POPDC1: variants seen among roughly 807,000 people sequenced by gnomAD.
POPDC1 encodes the protein popeye domain-containing protein 1.
the POPDC1 span, among the ~76,000 whole-genome samples, chr6:105,113,120 T>TG: frequency 1.3e-5 from 2 of 151,918 alleles, no homozygotes; most frequent in East Asian, 3.9e-4. Flanking sequence ...TTTGTAGAGA[T>TG]GGGGTCTCAT....
At chr6:105,113,895 G>A in the POPDC1 span, among the ~76,000 whole-genome samples, 6 of 148,156 alleles carry the variant, frequency 4.0e-5, no homozygotes, top group Non-Finnish European at 8.9e-5. Flanking sequence ...TTGTACCAAT[G>A]TACTCCAGTC....
At chr6:105,116,992 A>T in the POPDC1 span, 4 of 932,778 alleles carry the variant, frequency 4.3e-6, no homozygotes, top group African/African-American at 3.5e-5. Flanking sequence ...GTCAAATTAT[A>T]AAAAAAAGGA....
chr6:105,096,918 T>G, the POPDC1 span: 5 of 152,518 alleles, frequency 3.3e-5, no homozygotes, highest in African/African-American at 1.2e-4. Context: ...TTTTATAAAG[T>G]AAGTGTTATC....
At chr6:105,115,060 T>C in the POPDC1 span, among the ~76,000 whole-genome samples, 2 of 152,260 alleles carry the variant, frequency 1.3e-5, no homozygotes, top group African/African-American at 4.8e-5. Flanking sequence ...AATCAAACCA[T>C]GTGGACTCTT....
the POPDC1 span, among the ~76,000 whole-genome samples, chr6:105,127,457 T>C: frequency 6.6e-6 from 1 of 152,136 alleles, no homozygotes; most frequent in Non-Finnish European, 1.5e-5. Flanking sequence ...GCCCTTTTTA[T>C]GTATTTATTT....
At chr6:105,124,638 C>G in the POPDC1 span, 1 of 1,604,760 alleles carries the variant, frequency 6.2e-7, no homozygotes, top group Non-Finnish European at 8.5e-7. Context: ...AAAATGTCCT[C>G]GATAGGAGAC....
At chr6:105,130,680 G>A in the POPDC1 span, among the ~76,000 whole-genome samples, 2 of 151,890 alleles carry the variant, frequency 1.3e-5, no homozygotes, top group Admixed American at 6.6e-5. Context: ...TACACTATAG[G>A]GTATAAACCA....
At chr6:105,115,956 GTGGCCAATAAACATAAGC>G in the POPDC1 span, 1 of 773,798 alleles carries the variant, frequency 1.3e-6, no homozygotes, top group Non-Finnish European at 1.9e-6. Flanking sequence ...TACATATTAG[GTGGCCAATAAACATAAGC>G]TATGATTTTT....
chr6:105,123,062 T>C, the POPDC1 span, among the ~76,000 whole-genome samples: 553 of 152,330 alleles, frequency 3.6e-3, 8 homozygotes, highest in African/African-American at 0.013. Flanking sequence ...ATCTCCAATT[T>C]TGTGGCATCC....
At chr6:105,132,732 C>T in the POPDC1 span, among the ~76,000 whole-genome samples, 1 of 152,186 alleles carries the variant, frequency 6.6e-6, no homozygotes, top group African/African-American at 2.4e-5. Flanking sequence ...TGATGTGAAT[C>T]AATTTAACTT....
At chr6:105,097,189 T>TG in the POPDC1 span, 1 of 152,090 alleles carries the variant, frequency 6.6e-6, no homozygotes, top group Admixed American at 6.6e-5. Context: ...ACCGAAGCAG[T>TG]GATTATGCCT....
the POPDC1 span, among the ~76,000 whole-genome samples, chr6:105,119,528 G>GAAGGC: frequency 6.6e-6 from 1 of 152,196 alleles, no homozygotes; most frequent in South Asian, 2.1e-4. Context: ...TGCATAAATG[G>GAAGGC]AAGGCAACTG....
At chr6:105,097,553 A>G in the POPDC1 span, 1 of 152,228 alleles carries the variant, frequency 6.6e-6, no homozygotes, top group Non-Finnish European at 1.5e-5. Flanking sequence ...ATTACCTGGA[A>G]ACACTGGGGA....
At chr6:105,129,276 A>C in the POPDC1 span, 1 of 1,037,898 alleles carries the variant, frequency 9.6e-7, no homozygotes, top group East Asian at 2.8e-5. Context: ...AATTATATTA[A>C]AGTGACTAAA....
At chr6:105,106,833 G>C in the POPDC1 span, among the ~76,000 whole-genome samples, 1 of 152,080 alleles carries the variant, frequency 6.6e-6, no homozygotes, top group African/African-American at 2.4e-5. Flanking sequence ...TGGGTACATA[G>C]TGGATGTATA....
chr6:105,131,966 CT>C, the POPDC1 span, among the ~76,000 whole-genome samples: 4,059 of 136,068 alleles, frequency 0.03, 115 homozygotes, highest in African/African-American at 0.095. Context: ...TCATTTATCA[CT>C]TTTTTTTTTT....
At chr6:105,124,405 AAAAG>A in the POPDC1 span, 4 of 572,024 alleles carry the variant, frequency 7.0e-6, no homozygotes, top group South Asian at 4.4e-5. Context: ...AAAAAAAAAA[AAAAG>A]AGACAATACT....
the POPDC1 span, among the ~76,000 whole-genome samples, chr6:105,134,133 G>C: frequency 6.6e-6 from 1 of 151,990 alleles, no homozygotes; most frequent in Admixed American, 6.6e-5. Context: ...TTAAATCACT[G>C]TATCATACAT....
At chr6:105,128,740 A>G in the POPDC1 span, among the ~76,000 whole-genome samples, 1 of 152,184 alleles carries the variant, frequency 6.6e-6, no homozygotes. Flanking sequence ...AGATTAAGGC[A>G]AGCATTATAT....
Sources: allele counts gnomAD v4.1 joint callset (sites outside exome capture counted in the v4.1 genomes callset), GRCh38; gene constraint gnomAD v4.1.1; transcripts MANE v1.5; gene names NCBI Gene and HGNC (gene_info 2026-07-23, HGNC 2026-07-21).